The following NHLRC2 variants were observed in gnomAD, a reference collection of about 807,000 sequenced individuals.
NHLRC2 encodes NHL repeat containing 2.
In NHLRC2, 33 loss-of-function variants were observed where a neutral mutation model predicts 68.1. That is an observed-to-expected ratio of 0.48 (90% CI 0.37 to 0.65). The LOEUF is 0.65. Among genes scored for constraint, NHLRC2 ranks in the 30% least tolerant of loss-of-function variants. The pLI is 0.00. For synonymous variants in NHLRC2, 311 were observed against 309.6 expected (o/e 1.00, Z -0.05); for missense variants, 761 against 853.8 (o/e 0.89, Z 1.35).
intron 3 of NHLRC2, among the ~76,000 whole-genome samples, 187 bp from the exon 4 acceptor site, chr10:113,879,387 G>A (rs61308904): frequency 0.017 from 2,534 of 152,154 alleles, 68 homozygotes; most frequent in African/African-American, 0.056. Context: ...ACTAGTAATT[G>A]TACTATGAGC....
Position 113,914,631 on chromosome 10 carries a change from C to A in NHLRC2, c.*6095C>A. On this transcript the variant is annotated 3_prime_UTR_variant, in exon 11 of 11. Coordinates refer to ENST00000369301, the MANE Select transcript of NHLRC2 (RefSeq NM_198514.4). ...TTTTGTTAATTTTGTTATAAACTCC[C>A]TCTCCTGAAATCCGTAAGGAAATGT... The A allele has an allele frequency of 4.7e-6, 1 of 214,780 alleles. No individual in the cohort carries two copies. Among genetic ancestry groups the A allele is most frequent in the Non-Finnish European group, 9.4e-6 (1 of 106,350 alleles). The allele number at this position is 214,780 out of a possible 1,614,324, so 13.3% of individuals were successfully genotyped here.
chr10:113,892,351 A>G (rs1165130405), intron 5 of NHLRC2, among the ~76,000 whole-genome samples: 1 of 152,210 alleles, frequency 6.6e-6, no homozygotes, highest in Admixed American at 6.5e-5. Context: ...GTCGTTTTAA[A>G]AAATTTTTAA....
chr10:113,855,486 G>C (rs1232307800), intron 1 of NHLRC2, among the ~76,000 whole-genome samples: 1 of 144,578 alleles, frequency 6.9e-6, no homozygotes, highest in South Asian at 2.2e-4. Context: ...GTTTTTTTTT[G>C]ATACGGAGTC....
intron 2 of NHLRC2, among the ~76,000 whole-genome samples, chr10:113,862,175 G>A (rs1013714613): frequency 6.6e-5 from 10 of 151,920 alleles, no homozygotes; most frequent in Admixed American, 2.0e-4. Flanking sequence ...CACCGAGCCC[G>A]GCCTATTTTC....
At chr10:113,864,465 C>T (rs948407209) in intron 2 of NHLRC2, among the ~76,000 whole-genome samples, 3 of 152,058 alleles carry the variant, frequency 2.0e-5, no homozygotes, top group African/African-American at 7.2e-5. Flanking sequence ...TTTGGGAGGC[C>T]AAGGCAGGCG....
chr10:113,863,474 A>G (rs1845835134), intron 2 of NHLRC2, among the ~76,000 whole-genome samples: 1 of 152,202 alleles, frequency 6.6e-6, no homozygotes, highest in East Asian at 1.9e-4. Context: ...AGGGCTAAGG[A>G]AGAAATTTAT....
At chr10:113,898,872 TTAA>T (rs1247162860) in intron 6 of NHLRC2, among the ~76,000 whole-genome samples, 4 of 152,170 alleles carry the variant, frequency 2.6e-5, no homozygotes, top group African/African-American at 9.7e-5. Flanking sequence ...GCTTTGAGAA[TTAA>T]TAATATATGT....
chr10:113,883,150 T>C (rs1241625935), intron 4 of NHLRC2, among the ~76,000 whole-genome samples: 1 of 151,902 alleles, frequency 6.6e-6, no homozygotes, highest in African/African-American at 2.4e-5. Context: ...CCTAGGTCCC[T>C]TGCAATTTGA....
chr10:113,861,979 T>A (rs959564281), intron 2 of NHLRC2, among the ~76,000 whole-genome samples: 11 of 152,094 alleles, frequency 7.2e-5, no homozygotes, highest in Non-Finnish European at 1.3e-4. Context: ...CTCAAGCAAT[T>A]GTCCTGCCTC....
chr10:113,896,264 C>G lies in NHLRC2; in HGVS notation c.1040-1846C>G, dbSNP rs1021398675. On this transcript the variant is annotated intron_variant, in intron 5 of 10. Coordinates refer to ENST00000369301, the MANE Select transcript of NHLRC2 (RefSeq NM_198514.4). ...CACAATAGCAAAGACTTGGAACCAA[C>G]TCAAATGTCCAACAATGATAGACTG... Among the ~76,000 whole-genome samples the G allele has an allele frequency of 1.6e-3, 247 of 152,140 alleles. 1 individual carries two copies. The highest frequency in any genetic ancestry group is 5.8e-3 in the African/African-American group (242 of 41,484).
At chr10:113,902,432 T>A in intron 7 of NHLRC2, 39 bp from the exon 8 acceptor site, 1 of 1,340,940 alleles carries the variant, frequency 7.5e-7, no homozygotes, top group Non-Finnish European at 1.0e-6. Flanking sequence ...GTAAAAATTA[T>A]AATAACTGCT....
Position 113,908,523 on chromosome 10 carries a change from G to C in NHLRC2, c.2168G>C (p.Arg723Thr). 1.9e-6 allele frequency: 3 copies of C among 1,613,974 alleles called. No homozygotes were observed. The highest frequency in any genetic ancestry group is 2.5e-6 in the Non-Finnish European group (3 of 1,179,938). ...QQGCIAPVEL[R>T]YVF ...GGTTGCATAGCTCCAGTAGAGCTCA[G>C]GTATGTATTTTAGCCAGCCAGCTAG... Residue 723 changes from arginine to threonine, a missense_variant, in exon 11 of 11, where the codon AGG becomes ACG. Physicochemically the swap from Arg to Thr is moderately conservative, Grantham distance 71 (BLOSUM62 -1). Transcript: ENST00000369301.
At chr10:113,879,841 A>C in intron 4 of NHLRC2, 146 bp downstream of exon 4, 1 of 524,070 alleles carries the variant, frequency 1.9e-6, no homozygotes, top group Non-Finnish European at 3.3e-6. Context: ...CTTTAGTTTT[A>C]TTCTCAAGTA....
intron 5 of NHLRC2, among the ~76,000 whole-genome samples, chr10:113,889,449 T>C (rs574227920): frequency 1.3e-5 from 2 of 152,314 alleles, no homozygotes; most frequent in South Asian, 4.1e-4. Flanking sequence ...AGGAATAAAT[T>C]TGATGCAGTA....
At position 113,903,667 on chromosome 10, in the gene NHLRC2, A is replaced by G; in HGVS notation, c.1635A>G (p.Leu545=). The G allele has an allele frequency of 6.2e-7, 1 of 1,605,380 alleles. No homozygotes were observed. Among genetic ancestry groups the G allele is most frequent in the Non-Finnish European group, 8.5e-7 (1 of 1,172,138 alleles). ...GGLCIGENGE[L]LYVADTNNHQ... ...TGTGTATTGGAGAGAATGGAGAATT[A>G]TTATATGTAGCAGACACCAATAATC... The change falls in exon 9 of 11, where the codon TTA becomes TTG. Residue 545 remains leucine, a synonymous_variant. Transcript: ENST00000369301.
chr10:113,894,357 C>T (rs1846159290), intron 5 of NHLRC2, among the ~76,000 whole-genome samples: 1 of 151,684 alleles, frequency 6.6e-6, no homozygotes, highest in Non-Finnish European at 1.5e-5. Flanking sequence ...TCTTTTTTAC[C>T]CTTAGGTGTT....
intron 10 of NHLRC2, among the ~76,000 whole-genome samples, chr10:113,906,786 G>A (rs879467825): frequency 6.6e-6 from 1 of 152,124 alleles, no homozygotes; most frequent in Non-Finnish European, 1.5e-5. Context: ...TCAGGAGATC[G>A]AGACCATCCT....
intron 2 of NHLRC2, among the ~76,000 whole-genome samples, chr10:113,864,139 C>G (rs1424727768): frequency 6.6e-6 from 1 of 152,126 alleles, no homozygotes; most frequent in Non-Finnish European, 1.5e-5. Context: ...TACAAAAATT[C>G]AAATACTACA....
intron 2 of NHLRC2, among the ~76,000 whole-genome samples, chr10:113,866,639 T>C (rs1048095835): frequency 6.6e-6 from 1 of 152,074 alleles, no homozygotes; most frequent in African/African-American, 2.4e-5. Flanking sequence ...TATTAAAAAT[T>C]AGAAGAATGC....
Sources: gnomAD v4.1 joint callset for allele counts (sites outside exome capture counted in the v4.1 genomes callset) on GRCh38, gnomAD v4.1.1 for gene constraint, MANE v1.5 for transcripts, NCBI Gene and HGNC (gene_info 2026-07-23, HGNC 2026-07-21) for gene names.